MED12L: variants seen among roughly 807,000 people sequenced by gnomAD.
MED12L encodes mediator complex subunit 12L.
MED12L carries 60 observed loss-of-function variants against 281.3 expected under a neutral mutation model. That is an observed-to-expected ratio of 0.21 (90% confidence interval 0.17 to 0.26). MED12L has a LOEUF of 0.26. Ranked by LOEUF, MED12L falls within the 10% of genes least tolerant of loss-of-function variation. MED12L has a pLI of 1.00. For synonymous variants in MED12L, 974 were observed against 987.2 expected, an observed-to-expected ratio of 0.99 and a Z score of 0.25; for missense variants, 2,146 against 2,680.9, an observed-to-expected ratio of 0.80 and a Z score of 4.41.
intron 16 of MED12L, chr3:151,329,457 A>T: frequency 6.7e-7 from 1 of 1,489,748 alleles, no homozygotes; most frequent in Non-Finnish European, 9.1e-7. Context: ...AAGCACACTC[A>T]TAATAACAAA....
At chr3:151,249,784 T>C (rs572323744) in intron 16 of MED12L, among the ~76,000 whole-genome samples, 1 of 152,288 alleles carries the variant, frequency 6.6e-6, no homozygotes, top group South Asian at 2.1e-4. Flanking sequence ...TTTCCTTCTT[T>C]AACAAGTTCT....
intron 16 of MED12L, chr3:151,213,977 G>A (rs1304703577): frequency 2.5e-6 from 4 of 1,613,894 alleles, no homozygotes; most frequent in Admixed American, 1.7e-5. Flanking sequence ...AAGCTGATGA[G>A]CCCAAAGAAC....
chr3:151,421,406 T>TG (rs1553819635), intron 43 of MED12L, among the ~76,000 whole-genome samples: 22,129 of 151,906 alleles, frequency 0.15, 2,201 homozygotes, highest in East Asian at 0.43. Context: ...GTGTTTTTTT[T>TG]TTTTGTTTTG....
In MED12L at chr3:151,097,957, G is replaced by A. The variant is rs1466490371; in HGVS notation, c.99+10932G>A. On this transcript the variant is annotated intron_variant, in intron 2 of 44. Coordinates refer to ENST00000687756, the MANE Select transcript of MED12L (RefSeq NM_001393769.1). ...GATTTTTGAATCTGGAACTTGGAGGGTGTGTAGGAGTGGATGGGGTTGAGG... is the reference window on the plus strand; with the variant it reads ...GATTTTTGAATCTGGAACTTGGAGGATGTGTAGGAGTGGATGGGGTTGAGG... 2.6e-5 allele frequency among the ~76,000 whole-genome samples: 4 copies of A among 152,236 alleles called. No individual in the cohort carries two copies. In the East Asian group the frequency reaches 5.8e-4, roughly 22 times the overall value.
chr3:151,214,291 G>A, intron 16 of MED12L: 1 of 1,613,672 alleles, frequency 6.2e-7, no homozygotes, highest in Non-Finnish European at 8.5e-7. Context: ...TTCATCTGGA[G>A]GCTGTGTGGA....
chr3:151,239,387 A>G (rs1402759281), intron 16 of MED12L, among the ~76,000 whole-genome samples: 2 of 152,174 alleles, frequency 1.3e-5, no homozygotes, highest in Non-Finnish European at 2.9e-5. Context: ...ATTTATCTGT[A>G]TGGGATTGGA....
intron 11 of MED12L, among the ~76,000 whole-genome samples, chr3:151,178,128 A>C (rs978468471): frequency 7.5e-6 from 1 of 133,044 alleles, no homozygotes; most frequent in African/African-American, 2.9e-5. Flanking sequence ...ACTACACTCC[A>C]GCCTGGGCAA....
chr3:151,131,627 C>CA (rs1243588935), intron 5 of MED12L, among the ~76,000 whole-genome samples: 1 of 151,968 alleles, frequency 6.6e-6, no homozygotes, highest in Non-Finnish European at 1.5e-5. Context: ...AACAAACAAA[C>CA]AAAAACAAAA....
At chr3:151,093,466 A>G (rs71306539) in intron 2 of MED12L, among the ~76,000 whole-genome samples, 7,738 of 152,306 alleles carry the variant, frequency 0.051, 273 homozygotes, top group Middle Eastern at 0.088. Context: ...TTATCTGTAG[A>G]GAGCATTGTG....
intron 43 of MED12L, among the ~76,000 whole-genome samples, chr3:151,429,761 C>T (rs1719271856): frequency 6.6e-6 from 1 of 152,192 alleles, no homozygotes; most frequent in Non-Finnish European, 1.5e-5. Context: ...CTCACTCATC[C>T]TGCCCAGGCC....
rs1452104188 is a variant in MED12L at position 151,434,212 on chromosome 3, A to G, written c.*1408A>G. 6.6e-6 allele frequency: 1 copy of G among 152,226 alleles called. No homozygotes were observed. Among genetic ancestry groups the G allele is most frequent in the Admixed American group, 6.5e-5 (1 of 15,282 alleles). 9.4% of individuals were successfully genotyped at this position (152,226 alleles called of 1,614,324 possible). On this transcript the variant is annotated 3_prime_UTR_variant, in exon 45 of 45. Coordinates refer to ENST00000687756, the MANE Select transcript of MED12L (RefSeq NM_001393769.1). ...TAGACTTGTCTATAATGAGCAGACC[A>G]TGTAAATCTACTTTTTTTAAAATGT...
Position 151,165,336 on chromosome 3 carries a change from T to C in MED12L, c.1258-84T>C, listed in dbSNP as rs565873010. Reference sequence around the variant, plus strand: ...GATTGTAGTTCACTATAGGATACTTTACTCACGTGGAAAAACCTGACATGA... The same window carrying C: ...GATTGTAGTTCACTATAGGATACTTCACTCACGTGGAAAAACCTGACATGA... On this transcript the variant is annotated intron_variant, in intron 9 of 44. Coordinates refer to ENST00000687756, the MANE Select transcript of MED12L (RefSeq NM_001393769.1). The C allele has an allele frequency of 1.1e-3, 1,161 of 1,017,790 alleles. 11 individuals are homozygous for C. The South Asian group carries it at 0.013, about 11-fold the overall frequency. 63.0% of individuals were successfully genotyped at this position (1,017,790 alleles called of 1,614,324 possible). A position where few individuals can be genotyped will look rare whatever the true frequency, so the allele number is the denominator to read the frequency against.
intron 39 of MED12L, among the ~76,000 whole-genome samples, chr3:151,408,890 T>G (rs1004571057): frequency 5.9e-5 from 9 of 152,226 alleles, no homozygotes. Context: ...TTATAGGCAC[T>G]GGGTAGTGCA....
At chr3:151,251,343 C>T (rs1016764955) in intron 16 of MED12L, among the ~76,000 whole-genome samples, 1 of 152,102 alleles carries the variant, frequency 6.6e-6, no homozygotes, top group African/African-American at 2.4e-5. Context: ...AACACTCTGT[C>T]TCATCCATTC....
chr3:151,153,564 C>T (rs200398720), intron 5 of MED12L, among the ~76,000 whole-genome samples: 2 of 94,264 alleles, frequency 2.1e-5, no homozygotes, highest in African/African-American at 4.5e-5. Context: ...TGTTTTCTTT[C>T]TTTTTTTTTT....
chr3:151,254,869 GATAT>G (rs1316037131), intron 16 of MED12L, among the ~76,000 whole-genome samples: 1 of 152,138 alleles, frequency 6.6e-6, no homozygotes, highest in Non-Finnish European at 1.5e-5. Flanking sequence ...TCACATACAT[GATAT>G]ATATACACAC....
At chr3:151,180,169 C>T (rs910877362) in intron 11 of MED12L, among the ~76,000 whole-genome samples, 1 of 152,186 alleles carries the variant, frequency 6.6e-6, no homozygotes, top group African/African-American at 2.4e-5. Context: ...TCAGTCTTTT[C>T]AGCAGCATTT....
rs763515215 is a variant in MED12L, at chr3:151,188,342, T to G, written c.1627-12T>G. The G allele has an allele frequency of 1.3e-5, 21 of 1,586,814 alleles. No homozygotes were observed. The highest frequency in any genetic ancestry group is 7.8e-5 in the South Asian group (7 of 89,654). ...TCTGTAATTAACTTTGTTATTTATT[T>G]TTAATCTGTAGAGATGTGGTGAATC... On this transcript the variant is annotated splice_polypyrimidine_tract_variant and intron_variant, in intron 12 of 44. Transcript: ENST00000687756.
chr3:151,411,185 C>T, intron 40 of MED12L, 93 bp from the exon 41 acceptor site: 1 of 1,037,454 alleles, frequency 9.6e-7, no homozygotes, highest in East Asian at 2.5e-5. Flanking sequence ...CAGGGGAGTC[C>T]TCATGGGTTT....
Sources: gnomAD v4.1 joint callset for allele counts (sites outside exome capture counted in the v4.1 genomes callset) on GRCh38, gnomAD v4.1.1 for gene constraint, MANE v1.5 for transcripts, NCBI Gene and HGNC (gene_info 2026-07-23, HGNC 2026-07-21) for gene names.